The following PROM1 variants were observed in gnomAD, a reference collection of about 807,000 sequenced individuals.
PROM1 encodes prominin-1.
Under a neutral mutation model 116.9 loss-of-function variants are expected in PROM1, and 105 were observed. That is an observed-to-expected ratio of 0.90 (90% CI 0.77 to 1.06). The LOEUF (loss-of-function observed/expected upper bound fraction) is 1.06. Among genes scored for constraint, PROM1 ranks in the 50% least tolerant of loss-of-function variants. PROM1 has a pLI of 0.00. For synonymous variants in PROM1, 393 were observed against 387.0 expected (o/e 1.02, Z -0.18); for missense variants, 1,122 against 1,045.2 (o/e 1.07, Z -1.01).
At chr4:16,055,449 T>C in intron 2 of PROM1, 1 of 456,082 alleles carries the variant, frequency 2.2e-6, no homozygotes, top group Non-Finnish European at 4.4e-6. Context: ...TGTGTTCTCA[T>C]CTACAAAATG....
intron 23 of PROM1, among the ~76,000 whole-genome samples, chr4:15,983,535 C>T (rs1282938452): frequency 2.6e-5 from 4 of 152,078 alleles, no homozygotes; most frequent in East Asian, 3.8e-4. Flanking sequence ...AAGAGAAAGG[C>T]GGCGTGTGCC....
intron 11 of PROM1, among the ~76,000 whole-genome samples, chr4:16,011,844 A>G (rs898931961): frequency 6.6e-6 from 1 of 152,234 alleles, no homozygotes; most frequent in Admixed American, 6.5e-5. Flanking sequence ...TCATGGGTCA[A>G]AAGAACACTA....
At chr4:16,013,676 A>G (rs1283730928) in intron 10 of PROM1, among the ~76,000 whole-genome samples, 1 of 152,212 alleles carries the variant, frequency 6.6e-6, no homozygotes, top group Admixed American at 6.5e-5. Flanking sequence ...TTTGTTCTCA[A>G]CTAGGGTATG....
chr4:16,039,615 G>A (rs1483420937), intron 2 of PROM1, among the ~76,000 whole-genome samples: 1 of 151,762 alleles, frequency 6.6e-6, no homozygotes, highest in African/African-American at 2.4e-5. Context: ...GCGCATGCCT[G>A]TAATCCCAGC....
chr4:15,987,582 T>C, intron 20 of PROM1, 81 bp downstream of exon 20: 1 of 1,407,444 alleles, frequency 7.1e-7, no homozygotes, highest in South Asian at 1.2e-5. Flanking sequence ...TTAAAGTACC[T>C]ACAAAAATCC....
chr4:15,980,615 T>A (rs1286542602), intron 23 of PROM1, 78 bp from the exon 24 acceptor site: 50,660 of 630,112 alleles, frequency 0.08, 408 homozygotes, highest in Middle Eastern at 0.1. Context: ...GATTTTTTTT[T>A]TTTTTTTTTT....
intron 26 of PROM1, chr4:15,976,205 CAAGATGA>C (rs1476406599): frequency 4.0e-5 from 18 of 454,276 alleles, no homozygotes; most frequent in African/African-American, 3.6e-4. Flanking sequence ...ACTAAAAGCC[CAAGATGA>C]AATGTTCATT....
At chr4:16,012,328 G>A (rs986803366) in intron 11 of PROM1, among the ~76,000 whole-genome samples, 1 of 152,114 alleles carries the variant, frequency 6.6e-6, no homozygotes, top group African/African-American at 2.4e-5. Context: ...AATAATCCAG[G>A]TTTGTCTCTA....
intron 2 of PROM1, among the ~76,000 whole-genome samples, chr4:16,072,448 G>A (rs1382883618): frequency 6.6e-6 from 1 of 152,162 alleles, no homozygotes; most frequent in Non-Finnish European, 1.5e-5. Flanking sequence ...AATCACCTTT[G>A]CAAAAATTAT....
At chr4:15,995,880 C>T (rs1377400500) in intron 15 of PROM1, among the ~76,000 whole-genome samples, 1 of 152,194 alleles carries the variant, frequency 6.6e-6, no homozygotes, top group Non-Finnish European at 1.5e-5. Flanking sequence ...CTTTACAGAT[C>T]TAACTCCCTG....
intron 11 of PROM1, among the ~76,000 whole-genome samples, chr4:16,009,934 C>CAAAA (rs4065768): frequency 1.3e-5 from 1 of 75,410 alleles, no homozygotes; most frequent in Non-Finnish European, 2.5e-5. Flanking sequence ...GACTCGCTCT[C>CAAAA]AAAAAAAAAA....
chr4:15,991,076 A>G, intron 18 of PROM1, 146 bp downstream of exon 18: 1 of 657,944 alleles, frequency 1.5e-6, no homozygotes, highest in Non-Finnish European at 2.6e-6. Flanking sequence ...CTGTGGACGG[A>G]AACGTAATGA....
rs771101588 is a variant in PROM1, at chr4:15,984,308, A to G, written c.2328T>C (p.Asp776=). 5 of 1,609,406 alleles carry G rather than the reference A, an allele frequency of 3.1e-6. No individual in the cohort carries two copies. In the South Asian group the frequency reaches 4.5e-5, roughly 14 times the overall value. ...ASCKPVATAL[D]TAVDVFLCSY... ...TACACAGAAAGACATCAACAGCAGT[A>G]TCTAGAGCGGTGGCCACAGGTTTGC... Residue 776 remains aspartate (D), a synonymous_variant, in exon 23 of 28, where the codon GAT becomes GAC. Coordinates refer to ENST00000447510, the MANE Select transcript of PROM1 (RefSeq NM_006017.3).
At chr4:16,022,462 C>T (rs1051630675) in intron 8 of PROM1, among the ~76,000 whole-genome samples, 9 of 152,338 alleles carry the variant, frequency 5.9e-5, no homozygotes, top group African/African-American at 2.2e-4. Flanking sequence ...CTTAACAACT[C>T]CTGGCCTGTT....
rs1717542378 is a variant in PROM1, at chr4:15,980,497, AAAAATACAGTAGCTT to A, written c.2399_2413del (p.Lys800_Leu805delinsIle). The A allele has an allele frequency of 6.4e-7, 1 of 1,555,274 alleles. No homozygotes were observed. Among genetic ancestry groups the A allele is most frequent in the African/African-American group, 1.4e-5 (1 of 73,350 alleles). On this transcript the variant is annotated inframe_deletion, in exon 24 of 28. Coordinates refer to ENST00000447510, the MANE Select transcript of PROM1 (RefSeq NM_006017.3). The stretch of plus-strand genomic sequence containing the variant: ...TACCGCAAAAATTAGAGCCGGAAGT[AAAAATACAGTAGCTT>A]TTCCTATGCCAAACCAAAACAAATT...
In PROM1 at chr4:16,049,990, C is replaced by T. The variant is rs182888640; in HGVS notation, c.221-10989G>A. ...ATAAATTTGATGTTTGGGCAGGGCGCGGTGGCTCACACTTGTAATCCCAGC... is the reference window on the plus strand; with the variant it reads ...ATAAATTTGATGTTTGGGCAGGGCGTGGTGGCTCACACTTGTAATCCCAGC... On this transcript the variant is annotated intron_variant, in intron 2 of 27. Transcript: ENST00000447510. 8.9e-3 allele frequency among the ~76,000 whole-genome samples: 1,354 copies of T among 152,130 alleles called. 9 individuals carry two copies. The highest frequency in any genetic ancestry group is 0.014 in the Non-Finnish European group (979 of 67,990).
chr4:16,063,523 G>A (rs1236046289), intron 2 of PROM1, among the ~76,000 whole-genome samples: 1 of 152,192 alleles, frequency 6.6e-6, no homozygotes, highest in African/African-American at 2.4e-5. Flanking sequence ...TTGAACCTGG[G>A]AGGCAGAGGT....
At chr4:16,002,658 C>T (rs1309257971) in intron 13 of PROM1, among the ~76,000 whole-genome samples, 3 of 151,328 alleles carry the variant, frequency 2.0e-5, no homozygotes, top group African/African-American at 7.4e-5. Context: ...TCTGGGAGAG[C>T]ACAAAGAAGA....
intron 2 of PROM1, among the ~76,000 whole-genome samples, chr4:16,059,949 C>T (rs1305102314): frequency 2.0e-5 from 3 of 151,998 alleles, no homozygotes; most frequent in Non-Finnish European, 4.4e-5. Context: ...AAATAATAAT[C>T]AAGCTGTATG....
Sources: allele counts gnomAD v4.1 joint callset (sites outside exome capture counted in the v4.1 genomes callset), GRCh38; gene constraint gnomAD v4.1.1; transcripts MANE v1.5; gene names NCBI Gene and HGNC (gene_info 2026-07-23, HGNC 2026-07-21).